Variants in KIAA0586 observed in about 807,000 individuals in gnomAD.
KIAA0586 encodes KIAA0586.
KIAA0586 carries 144 observed loss-of-function variants against 169.8 expected under a neutral mutation model. The observed-to-expected ratio is 0.85, with a 90% CI of 0.74 to 0.97. The LOEUF (loss-of-function observed/expected upper bound fraction) is 0.97. Among genes scored for constraint, KIAA0586 ranks in the 50% least tolerant of loss-of-function variants. The pLI is 0.00. For synonymous variants in KIAA0586, 625 were observed against 612.4 expected, an observed-to-expected ratio of 1.02 and a Z score of -0.30; for missense variants, 1,854 against 1,823.0, an observed-to-expected ratio of 1.02 and a Z score of -0.31.
Position 58,512,586 on chromosome 14 carries a change from G to A in KIAA0586, c.4388G>A (p.Arg1463His), listed in dbSNP as rs2044467817. The A allele has an allele frequency of 9.1e-6, 14 of 1,540,796 alleles. No individual in the cohort carries two copies. Among genetic ancestry groups the A allele is most frequent in the East Asian group, 2.5e-5 (1 of 40,470 alleles). Residue 1463 changes from arginine to histidine, a missense_variant, in exon 29 of 31, where the codon CGT becomes CAT. By Grantham distance (29) the Arg-to-His change is conservative. Coordinates refer to ENST00000652326, the MANE Select transcript of KIAA0586 (RefSeq NM_001329943.3). ...VEHKPSQSYL[R>H]VRNKSDIAPS... ...CACAAACCATCACAAAGTTACCTAC[G>A]TGTTAGAAATAAATCTGATATTGCA...
At chr14:58,509,566 G>T (rs982326405) in intron 28 of KIAA0586, among the ~76,000 whole-genome samples, 1 of 152,058 alleles carries the variant, frequency 6.6e-6, no homozygotes, top group Non-Finnish European at 1.5e-5. Context: ...ACTAATTTAT[G>T]AATAAGTATT....
intron 16 of KIAA0586, among the ~76,000 whole-genome samples, chr14:58,470,328 G>C (rs956158031): frequency 2.7e-4 from 41 of 152,102 alleles, no homozygotes; most frequent in African/African-American, 9.6e-4. Context: ...TTAAATTTTA[G>C]TTATGTATAA....
chr14:58,489,009 G>C, intron 24 of KIAA0586, 135 bp downstream of exon 24: 1 of 894,420 alleles, frequency 1.1e-6, no homozygotes, highest in Non-Finnish European at 1.7e-6. Flanking sequence ...GGGACTCAAT[G>C]CAATTTAGTT....
intron 16 of KIAA0586, 99 bp downstream of exon 16, chr14:58,468,021 C>G (rs1012601215): frequency 2.6e-5 from 18 of 694,102 alleles, no homozygotes; most frequent in Non-Finnish European, 4.2e-5. Flanking sequence ...AAAAATATTG[C>G]TTTTGATCAT....
chr14:58,507,533 C>G (rs986907788), intron 27 of KIAA0586, among the ~76,000 whole-genome samples: 4 of 151,670 alleles, frequency 2.6e-5, no homozygotes, highest in Admixed American at 2.0e-4. Context: ...GTGCTTCTTG[C>G]TAGCTCTTTG....
At chr14:58,482,482 A>G in intron 20 of KIAA0586, 31 bp from the exon 21 acceptor site, 1 of 1,406,654 alleles carries the variant, frequency 7.1e-7, no homozygotes, top group Middle Eastern at 2.4e-4. Flanking sequence ...TTTCTTGCCC[A>G]CTTATTCTGA....
At position 58,488,847 on chromosome 14, in the gene KIAA0586, A is replaced by T. The variant is rs1372363161; in HGVS notation, c.3754A>T (p.Ser1252Cys). The T allele has an allele frequency of 6.2e-7, 1 of 1,613,866 alleles. No homozygotes were observed. Among genetic ancestry groups the T allele is most frequent in the Non-Finnish European group, 8.5e-7 (1 of 1,179,824 alleles). ...KPISEGEILF[S>C]CGQKLAPKIL... Reference sequence around the variant, plus strand: ...CATCTCTGAAGGAGAGATTTTATTTAGCTGTGGTCAAAAATTGGCCCCCAA... The same window carrying T: ...CATCTCTGAAGGAGAGATTTTATTTTGCTGTGGTCAAAAATTGGCCCCCAA... The change falls in exon 24 of 31, where the codon AGC becomes TGC. Residue 1252 changes from serine to cysteine, a missense_variant. Ser to Cys is a moderately radical substitution (Grantham distance 112, BLOSUM62 -1). Coordinates refer to ENST00000652326, the MANE Select transcript of KIAA0586 (RefSeq NM_001329943.3).
chr14:58,482,785 C>A, intron 21 of KIAA0586, 73 bp downstream of exon 21: 1 of 1,009,240 alleles, frequency 9.9e-7, no homozygotes, highest in South Asian at 1.9e-5. Context: ...ACCATAAGAT[C>A]ATTGTTTGTG....
At chr14:58,459,795 T>G (rs2040179698) in intron 12 of KIAA0586, 48 bp from the exon 13 acceptor site, 3 of 1,038,564 alleles carry the variant, frequency 2.9e-6, no homozygotes, top group Non-Finnish European at 4.1e-6. Flanking sequence ...TGTGAAAGCA[T>G]TACTATTTGT....
At chr14:58,547,101 C>T (rs2047028683) in intron 30 of KIAA0586, among the ~76,000 whole-genome samples, 1 of 151,372 alleles carries the variant, frequency 6.6e-6, no homozygotes, top group Non-Finnish European at 1.5e-5. Context: ...AGCAAAGTGC[C>T]TTGGCAACCT....
intron 29 of KIAA0586, among the ~76,000 whole-genome samples, chr14:58,522,920 A>G (rs2045326192): frequency 6.6e-6 from 1 of 152,174 alleles, no homozygotes; most frequent in Non-Finnish European, 1.5e-5. Context: ...ATATGAGAAA[A>G]AATATTTCTC....
intron 26 of KIAA0586, among the ~76,000 whole-genome samples, chr14:58,497,650 G>A (rs1322856498): frequency 6.6e-6 from 1 of 151,648 alleles, no homozygotes; most frequent in East Asian, 1.9e-4. Flanking sequence ...GAGCCACCAC[G>A]CCAGGCCTCT....
chr14:58,472,272 T>G lies in KIAA0586; in HGVS notation c.2627T>G (p.Val876Gly), dbSNP rs1222551852. The change falls in exon 18 of 31, where the codon GTC becomes GGC. Residue 876 changes from valine to glycine, a missense_variant. Physicochemically the swap from Val to Gly is moderately radical, Grantham distance 109. Transcript: ENST00000652326. ...ACTAACTTTGATGAAATAATCGATG[T>G]CATACAGGTAACAAAGCTTAGAAAC... ...PGTNFDEIIDVIQEEEKCDEI... is the reference protein window; with the variant it reads ...PGTNFDEIIDGIQEEEKCDEI... 1.9e-6 allele frequency: 3 copies of G among 1,541,168 alleles called. No homozygotes were observed. The highest frequency in any genetic ancestry group is 2.6e-6 in the Non-Finnish European group (3 of 1,139,006).
chr14:58,444,968 C>CT (rs1267534212), intron 6 of KIAA0586, among the ~76,000 whole-genome samples: 1 of 150,042 alleles, frequency 6.7e-6, no homozygotes, highest in Non-Finnish European at 1.5e-5. Context: ...TGGCATGTGC[C>CT]TGTAGTCCCA....
intron 12 of KIAA0586, among the ~76,000 whole-genome samples, chr14:58,459,014 G>T (rs1400224284): frequency 6.6e-6 from 1 of 152,082 alleles, no homozygotes; most frequent in Non-Finnish European, 1.5e-5. Flanking sequence ...CAAACATCCA[G>T]CATTGGAAAA....
chr14:58,560,336 G>T, the KIAA0586 span, among the ~76,000 whole-genome samples: 1 of 152,144 alleles, frequency 6.6e-6, no homozygotes, highest in Non-Finnish European at 1.5e-5. Context: ...GTAATGGTGA[G>T]ATCATTCACA....
intron 28 of KIAA0586, among the ~76,000 whole-genome samples, chr14:58,510,859 C>G (rs1351226127): frequency 6.7e-6 from 1 of 150,024 alleles, no homozygotes. Flanking sequence ...AGTAAAGAAG[C>G]CATACCAAAA....
chr14:58,557,152 A>G, the KIAA0586 span, among the ~76,000 whole-genome samples: 1 of 152,198 alleles, frequency 6.6e-6, no homozygotes. Context: ...ACTTTCTGTT[A>G]TGAATAAAGC....
chr14:58,488,809 CT>C lies in KIAA0586; in HGVS notation c.3719del (p.Leu1240Ter), dbSNP rs774914799. 1 of 1,613,852 alleles carries C rather than the reference CT, an allele frequency of 6.2e-7. No homozygotes were observed. The highest frequency in any genetic ancestry group is 8.5e-7 in the Non-Finnish European group (1 of 1,179,812). On this transcript the variant is annotated frameshift_variant, in exon 24 of 31. Coordinates refer to ENST00000652326, the MANE Select transcript of KIAA0586 (RefSeq NM_001329943.3). LOFTEE classifies it high-confidence loss of function. ...TLSVTVTETE[T>X]LDKPISEGEI... ...AGTGTTACTGTCACTGAAACTGAAA[CT>C]TTAGATAAACCCATCTCTGAAGGAG...
Sources: gnomAD v4.1 joint callset for allele counts (sites outside exome capture counted in the v4.1 genomes callset) on GRCh38, gnomAD v4.1.1 for gene constraint, MANE v1.5 for transcripts, NCBI Gene and HGNC (gene_info 2026-07-23, HGNC 2026-07-21) for gene names.